CHD6: variants seen among roughly 807,000 people sequenced by gnomAD.
CHD6 encodes ATP-dependent chromatin remodeler CHD6.
In CHD6, 50 loss-of-function variants were observed where a neutral mutation model predicts 276.9. That is an observed-to-expected ratio of 0.18 (90% confidence interval 0.14 to 0.23). CHD6 has a LOEUF of 0.23. Among genes scored for constraint, CHD6 ranks in the 10% least tolerant of loss-of-function variants. The pLI is 1.00. For synonymous variants in CHD6, 1,173 were observed against 1,229.3 expected (o/e 0.95, Z 0.96); for missense variants, 2,564 against 3,365.8 (o/e 0.76, Z 5.89).
At chr20:41,584,653 A>G (rs1308813903) in intron 1 of CHD6, among the ~76,000 whole-genome samples, 1 of 152,208 alleles carries the variant, frequency 6.6e-6, no homozygotes, top group Non-Finnish European at 1.5e-5. Flanking sequence ...TTTGAAATTA[A>G]CAGAAAGATA....
At chr20:41,467,574 A>G in intron 17 of CHD6, among the ~76,000 whole-genome samples, 1 of 149,256 alleles carries the variant, frequency 6.7e-6, no homozygotes, top group Non-Finnish European at 1.5e-5. Context: ...AAAAAAAAAA[A>G]AAAAAAAAAA....
chr20:41,470,902 C>A (rs1170684271), intron 17 of CHD6, among the ~76,000 whole-genome samples: 1 of 152,254 alleles, frequency 6.6e-6, no homozygotes, highest in Non-Finnish European at 1.5e-5. Flanking sequence ...CACTGATCCT[C>A]CTGGATATCG....
At chr20:41,593,938 G>A (rs984274310) in intron 1 of CHD6, among the ~76,000 whole-genome samples, 1 of 151,474 alleles carries the variant, frequency 6.6e-6, no homozygotes, top group African/African-American at 2.4e-5. Context: ...TATCCAGTCC[G>A]TAGTATTTTG....
Position 41,413,459 on chromosome 20 carries a change from T to C in CHD6, c.6996A>G (p.Pro2332=). 6.2e-7 allele frequency: 1 copy of C among 1,609,840 alleles called. No individual in the cohort carries two copies. Among genetic ancestry groups the C allele is most frequent in the Non-Finnish European group, 8.5e-7 (1 of 1,178,764 alleles). The change falls in exon 35 of 37, where the codon CCA becomes CCG. Residue 2332 remains proline, a synonymous_variant. Coordinates refer to ENST00000373233, the MANE Select transcript of CHD6 (RefSeq NM_032221.5). ...ATLSTTHPEG[P]GPATSAPEPA... Reference sequence around the variant, plus strand: ...GCTCAGGAGCCGAGGTGGCAGGCCCTGGCCCCTCAGGGTGTGTGGTGCTCA... The same window carrying C: ...GCTCAGGAGCCGAGGTGGCAGGCCCCGGCCCCTCAGGGTGTGTGGTGCTCA...
chr20:41,437,178 A>G (rs1357463432), intron 27 of CHD6, 96 bp downstream of exon 27: 2 of 880,672 alleles, frequency 2.3e-6, no homozygotes, highest in East Asian at 2.4e-5. Context: ...TAACTGTAGT[A>G]ATGCAATCAA....
intron 1 of CHD6, among the ~76,000 whole-genome samples, chr20:41,586,721 C>G (rs556056397): frequency 1.3e-5 from 2 of 152,194 alleles, no homozygotes; most frequent in Admixed American, 1.3e-4. Context: ...ATCAACAGAC[C>G]AAAGGAAAAA....
At chr20:41,555,238 ACCC>A (rs1221885526) in intron 1 of CHD6, among the ~76,000 whole-genome samples, 1 of 120,192 alleles carries the variant, frequency 8.3e-6, no homozygotes, top group African/African-American at 3.4e-5. Context: ...TGGGGGGCTG[ACCC>A]CCCCACCTCC....
chr20:41,586,277 C>G (rs968301858), intron 1 of CHD6, among the ~76,000 whole-genome samples: 2 of 152,332 alleles, frequency 1.3e-5, no homozygotes, highest in Middle Eastern at 6.8e-3. Context: ...CAAGACCCGC[C>G]GTTGACTTTC....
rs2046571606 is a variant in CHD6, at chr20:41,402,885, G to C, written c.*1708C>G. On this transcript the variant is annotated 3_prime_UTR_variant, in exon 37 of 37. Coordinates refer to ENST00000373233, the MANE Select transcript of CHD6 (RefSeq NM_032221.5). ...ATGCTACAAGGATGTCATTAAATAG[G>C]ATTTGTTCAATTACTGGATTCTTCT... The C allele has an allele frequency of 4.8e-6, 1 of 207,378 alleles. No homozygotes were observed. The highest frequency in any genetic ancestry group is 2.3e-5 in the African/African-American group (1 of 43,942). The allele number at this position is 207,378 out of a possible 1,614,324, so 12.8% of individuals were successfully genotyped here. A position where few individuals can be genotyped will look rare whatever the true frequency, so the allele number is the denominator to read the frequency against.
intron 1 of CHD6, among the ~76,000 whole-genome samples, chr20:41,597,534 C>G (rs1159045479): frequency 6.6e-6 from 1 of 152,022 alleles, no homozygotes; most frequent in South Asian, 2.1e-4. Flanking sequence ...AGGGAAAGCT[C>G]GAACCCACCT....
chr20:41,435,309 A>G (rs2047671151), intron 27 of CHD6, among the ~76,000 whole-genome samples: 2 of 152,194 alleles, frequency 1.3e-5, no homozygotes, highest in South Asian at 4.1e-4. Context: ...AAAAACCTAG[A>G]AAAGGGCTGG....
intron 2 of CHD6, among the ~76,000 whole-genome samples, chr20:41,534,252 A>G (rs2044768726): frequency 6.6e-6 from 1 of 152,224 alleles, no homozygotes; most frequent in African/African-American, 2.4e-5. Flanking sequence ...GGGAGGGACA[A>G]GCAGGCTTTC....
chr20:41,602,738 G>T (rs1270440906), intron 1 of CHD6, among the ~76,000 whole-genome samples: 2 of 152,050 alleles, frequency 1.3e-5, no homozygotes, highest in East Asian at 1.9e-4. Context: ...TGGAGACAGG[G>T]TCTCATTCTG....
At chr20:41,525,672 T>C (rs1220134860) in intron 3 of CHD6, among the ~76,000 whole-genome samples, 1 of 152,210 alleles carries the variant, frequency 6.6e-6, no homozygotes, top group Non-Finnish European at 1.5e-5. Context: ...TGGAAGCCCC[T>C]AAAAAGAACA....
intron 1 of CHD6, among the ~76,000 whole-genome samples, chr20:41,562,079 T>C (rs1204239707): frequency 2.0e-5 from 3 of 152,120 alleles, no homozygotes; most frequent in Non-Finnish European, 2.9e-5. Flanking sequence ...TTCTTGGCTG[T>C]ACCTCTAATT....
chr20:41,404,533 A>G lies in CHD6; in HGVS notation c.*60T>C. 4 of 1,449,820 alleles carry G rather than the reference A, an allele frequency of 2.8e-6. No individual in the cohort carries two copies. The Admixed American group carries it at 9.9e-5, about 36-fold the overall frequency. The allele number at this position is 1,449,820 out of a possible 1,614,324, so 89.8% of individuals were successfully genotyped here. On this transcript the variant is annotated 3_prime_UTR_variant, in exon 37 of 37. Coordinates refer to ENST00000373233, the MANE Select transcript of CHD6 (RefSeq NM_032221.5). ...TTATGGAGGTGAAGTGAGGGAAGTA[A>G]CAAACCTTTATGGGATAAGAAACTT...
At chr20:41,424,887 T>C (rs920465359) in intron 29 of CHD6, among the ~76,000 whole-genome samples, 4 of 152,234 alleles carry the variant, frequency 2.6e-5, no homozygotes, top group Admixed American at 6.5e-5. Context: ...ACACATTCCA[T>C]TGTGGTGTTT....
chr20:41,454,228 T>C (rs2048322820), intron 20 of CHD6, among the ~76,000 whole-genome samples: 1 of 152,252 alleles, frequency 6.6e-6, no homozygotes, highest in Non-Finnish European at 1.5e-5. Context: ...ACTGAAAGAA[T>C]GGAGGTAAAG....
intron 3 of CHD6, among the ~76,000 whole-genome samples, chr20:41,532,370 T>C (rs1042490232): frequency 3.3e-5 from 5 of 152,180 alleles, no homozygotes; most frequent in African/African-American, 9.7e-5. Flanking sequence ...TCCTCATCTA[T>C]CTGGAAATCT....
Sources: allele counts gnomAD v4.1 joint callset (sites outside exome capture counted in the v4.1 genomes callset), GRCh38; gene constraint gnomAD v4.1.1; transcripts MANE v1.5; gene names NCBI Gene and HGNC (gene_info 2026-07-23, HGNC 2026-07-21).